The following CPNE8 variants were observed in gnomAD, a reference collection of about 807,000 sequenced individuals.
The protein encoded by CPNE8 is copine-8.
Under a neutral mutation model 81.5 loss-of-function variants are expected in CPNE8, and 45 were observed. The ratio of observed to expected loss-of-function variants is 0.55; its 90% CI spans 0.44 to 0.71. The LOEUF (loss-of-function observed/expected upper bound fraction) is 0.71, where lower values mean the gene tolerates loss of function less well. CPNE8 is among the 30% of genes least tolerant of loss of function. CPNE8 has a pLI of 0.00. For missense variants in CPNE8, 594 were observed against 672.1 expected (o/e 0.88, Z 1.28); for synonymous variants, 252 against 226.3 (o/e 1.11, Z -1.02).
At position 38,824,476 on chromosome 12, in the gene CPNE8, G is replaced by A. The variant is rs115605017; in HGVS notation, c.407+4903C>T. 6.7e-3 allele frequency among the ~76,000 whole-genome samples: 1,022 copies of A among 151,916 alleles called. 18 individuals are homozygous for A. Among genetic ancestry groups the A allele is most frequent in the African/African-American group, 0.023 (949 of 41,438 alleles). ...ATAAATTTAAAAAGACTATCTCTGA[G>A]GAGATATTACAACACAATCGCAATT... On this transcript the variant is annotated intron_variant, in intron 6 of 19. Coordinates refer to ENST00000331366, the MANE Select transcript of CPNE8 (RefSeq NM_153634.3).
At chr12:38,723,281 T>C (rs781192955) in intron 13 of CPNE8, among the ~76,000 whole-genome samples, 1 of 152,172 alleles carries the variant, frequency 6.6e-6, no homozygotes, top group Non-Finnish European at 1.5e-5. Context: ...ATTTCAAAAT[T>C]GGTTACAACT....
intron 13 of CPNE8, chr12:38,720,759 G>A (rs957314245): frequency 6.6e-6 from 1 of 152,248 alleles, no homozygotes; most frequent in African/African-American, 2.4e-5. Flanking sequence ...ATGCTCCGGG[G>A]AGCGTGTGGG....
chr12:38,708,216 C>A (rs2136703293), intron 13 of CPNE8, among the ~76,000 whole-genome samples: 1 of 152,092 alleles, frequency 6.6e-6, no homozygotes, highest in Admixed American at 6.5e-5. Context: ...AATACTATAA[C>A]CTCAAGCTAT....
chr12:38,902,148 A>C (rs1592165595), intron 1 of CPNE8, among the ~76,000 whole-genome samples: 1 of 151,104 alleles, frequency 6.6e-6, no homozygotes, highest in South Asian at 2.1e-4. Context: ...GGTGAAAGAA[A>C]GGAAATGAAG....
At chr12:38,905,788 C>T, upstream of CPNE8, 1 of 985,344 alleles carries the variant, frequency 1.0e-6, no homozygotes, top group Non-Finnish European at 1.2e-6. Context: ...TTCCCAGCCC[C>T]CTTCCGGCAG....
chr12:38,819,311 T>C (rs1000789265), intron 6 of CPNE8, among the ~76,000 whole-genome samples: 3 of 152,166 alleles, frequency 2.0e-5, no homozygotes, highest in African/African-American at 4.8e-5. Flanking sequence ...AATTTTTGTA[T>C]AAGGCATAAG....
At position 38,781,187 on chromosome 12, in the gene CPNE8, A is replaced by T. The variant is rs542876526; in HGVS notation, c.408-4886T>A. 1.1e-3 allele frequency among the ~76,000 whole-genome samples: 160 copies of T among 152,152 alleles called. 2 individuals carry two copies. Among genetic ancestry groups the T allele is most frequent in the African/African-American group, 3.7e-3 (152 of 41,566 alleles). On this transcript the variant is annotated intron_variant, in intron 6 of 19. Transcript: ENST00000331366. ...TATAGTTTCAAGTTTAGAAAAGAAA[A>T]TTTTTGAAATTATGTTTCTAAAATG...
chr12:38,852,938 C>T (rs1001865394), intron 3 of CPNE8, among the ~76,000 whole-genome samples: 1 of 152,060 alleles, frequency 6.6e-6, no homozygotes, highest in South Asian at 2.1e-4. Context: ...TTATGCATTT[C>T]TGGGTTTTCC....
At chr12:38,797,943 G>T (rs900361731) in intron 6 of CPNE8, among the ~76,000 whole-genome samples, 6 of 152,110 alleles carry the variant, frequency 3.9e-5, no homozygotes, top group African/African-American at 1.2e-4. Context: ...AGAAGAAAGG[G>T]TATCAGTGAT....
chr12:38,818,557 G>C (rs1943064015), intron 6 of CPNE8, among the ~76,000 whole-genome samples: 1 of 152,134 alleles, frequency 6.6e-6, no homozygotes, highest in African/African-American at 2.4e-5. Context: ...GTTGGTTCCA[G>C]GTCTTGGCTA....
chr12:38,844,831 G>T (rs532627374), intron 4 of CPNE8, among the ~76,000 whole-genome samples: 108 of 151,996 alleles, frequency 7.1e-4, no homozygotes, highest in African/African-American at 2.5e-3. Flanking sequence ...TTTTTAACTT[G>T]TTTAGACTTT....
intron 6 of CPNE8, among the ~76,000 whole-genome samples, chr12:38,797,964 A>T (rs1468944038): frequency 6.6e-6 from 1 of 152,174 alleles, no homozygotes; most frequent in Non-Finnish European, 1.5e-5. Context: ...GGAAGATGAA[A>T]TGAATGAAAT....
chr12:38,795,317 C>A (rs1942433887), intron 6 of CPNE8, among the ~76,000 whole-genome samples: 1 of 152,138 alleles, frequency 6.6e-6, no homozygotes, highest in Non-Finnish European at 1.5e-5. Context: ...ATACAATGGA[C>A]TTCCCTTAAA....
At chr12:38,880,140 G>A (rs1592152317) in intron 1 of CPNE8, among the ~76,000 whole-genome samples, 1 of 152,176 alleles carries the variant, frequency 6.6e-6, no homozygotes. Flanking sequence ...TTCCACATGT[G>A]GACAGAGACC....
At chr12:38,869,105 G>A (rs1234502874) in intron 3 of CPNE8, among the ~76,000 whole-genome samples, 1 of 152,056 alleles carries the variant, frequency 6.6e-6, no homozygotes, top group Non-Finnish European at 1.5e-5. Context: ...TCCATCAATG[G>A]ATCCTCAGAT....
At chr12:38,706,704 TAGG>T (rs992631948) in intron 13 of CPNE8, among the ~76,000 whole-genome samples, 3 of 152,304 alleles carry the variant, frequency 2.0e-5, no homozygotes, top group African/African-American at 7.2e-5. Context: ...CTGTACACTG[TAGG>T]AGAAGACACA....
intron 3 of CPNE8, among the ~76,000 whole-genome samples, chr12:38,858,720 G>A (rs1454199593): frequency 6.6e-6 from 1 of 152,114 alleles, no homozygotes; most frequent in Non-Finnish European, 1.5e-5. Context: ...TAGTGTCTAA[G>A]CCTCACCTCT....
At chr12:38,820,805 C>G (rs1199961980) in intron 6 of CPNE8, among the ~76,000 whole-genome samples, 4 of 152,110 alleles carry the variant, frequency 2.6e-5, no homozygotes, top group African/African-American at 9.7e-5. Flanking sequence ...ACAGAATGTC[C>G]CATCTACTAC....
intron 4 of CPNE8, among the ~76,000 whole-genome samples, chr12:38,847,617 A>G (rs1943579881): frequency 6.6e-6 from 1 of 152,150 alleles, no homozygotes; most frequent in African/African-American, 2.4e-5. Flanking sequence ...ATTCCTGAAG[A>G]AAGAAGCTAG....
Sources: gnomAD v4.1 joint callset for allele counts (sites outside exome capture counted in the v4.1 genomes callset) on GRCh38, gnomAD v4.1.1 for gene constraint, MANE v1.5 for transcripts, NCBI Gene and HGNC (gene_info 2026-07-23, HGNC 2026-07-21) for gene names.